ZFHX2: variants seen among roughly 807,000 people sequenced by gnomAD.
ZFHX2 encodes zinc finger homeobox protein 2.
Under a neutral mutation model 164.8 loss-of-function variants are expected in ZFHX2, and 75 were observed. The ratio of observed to expected loss-of-function variants is 0.46; its 90% CI spans 0.38 to 0.55. The LOEUF is 0.55. Among genes scored for constraint, ZFHX2 ranks in the 20% least tolerant of loss-of-function variants. ZFHX2 has a pLI of 0.00. For synonymous variants in ZFHX2, 1,217 were observed against 1,351.4 expected, an observed-to-expected ratio of 0.90 and a Z score of 2.18; for missense variants, 2,933 against 3,308.0, an observed-to-expected ratio of 0.89 and a Z score of 2.78.
chr14:23,523,517 G>T lies in ZFHX2; in HGVS notation c.6425C>A (p.Ala2142Glu). 6.5e-7 allele frequency: 1 copy of T among 1,536,442 alleles called. No homozygotes were observed. The highest frequency in any genetic ancestry group is 8.7e-7 in the Non-Finnish European group (1 of 1,146,900). ...STGGSSEGLL[A>E]AQRTDCPYCD... Reference sequence around the variant, plus strand: ...ATAGGGGCAGTCAGTGCGCTGGGCTGCTAAGAGGCCCTCACTGCTGCCCCC... The same window carrying T: ...ATAGGGGCAGTCAGTGCGCTGGGCTTCTAAGAGGCCCTCACTGCTGCCCCC... The change falls in exon 9 of 10, where the codon GCA (alanine) becomes GAA (glutamate). Residue 2142 changes from alanine to glutamate, a missense_variant. Physicochemically the swap from Ala to Glu is moderately radical, Grantham distance 107. Coordinates refer to ENST00000419474, the MANE Select transcript of ZFHX2 (RefSeq NM_033400.3). This position sits in a 1 kb window ranked among gnomAD's most constrained non-coding sequence, Gnocchi z 4.1.
rs1370088465 is a variant in ZFHX2 at position 23,533,986 on chromosome 14, C to T, written c.1340G>A (p.Arg447His). Residue 447 changes from arginine to histidine, a missense_variant, in exon 2 of 10, where the codon CGC becomes CAC. Coordinates refer to ENST00000419474, the MANE Select transcript of ZFHX2 (RefSeq NM_033400.3). This position sits in a 1 kb window ranked among gnomAD's most constrained non-coding sequence, Gnocchi z 4.8. ...ACACTTGAGTGTCTTGCAGGAGTTG[C>T]GTGAGTGGAGCAGGGACATGTGGCT... ...LSSHMSLLHS[R>H]NSCKTLKCPK... The T allele has an allele frequency of 7.8e-6, 12 of 1,537,302 alleles. No homozygotes were observed. Among genetic ancestry groups the T allele is most frequent in the Admixed American group, 3.9e-5 (2 of 50,968 alleles).
At position 23,531,494 on chromosome 14, in the gene ZFHX2, C is replaced by A. The variant is rs1314226692; in HGVS notation, c.2787G>T (p.Gln929His). The A allele has an allele frequency of 3.2e-5, 45 of 1,424,980 alleles. No individual in the cohort carries two copies. The South Asian group carries it at 5.7e-4, about 18-fold the overall frequency. The allele number at this position is 1,424,980 out of a possible 1,614,324, so 88.3% of individuals were successfully genotyped here. A position where few individuals can be genotyped will look rare whatever the true frequency, so the allele number is the denominator to read the frequency against. ...LQSILSFSHG[Q>H]LRTPGKAPVT... ...CTTCTTCCTCACCGGGAGTCCGGAG[C>A]TGCCCGTGGCTGAAGCTCAGGATGC... is the stretch of plus-strand genomic sequence containing the variant. The change falls in exon 4 of 10, where the codon CAG becomes CAT. Residue 929 changes from glutamine to histidine, a missense_variant. Gln to His is a conservative substitution (Grantham distance 24). Coordinates refer to ENST00000419474, the MANE Select transcript of ZFHX2 (RefSeq NM_033400.3).
chr14:23,523,007 G>A lies in ZFHX2; in HGVS notation c.6740-66C>T. 2 of 1,422,012 alleles carry A rather than the reference G, an allele frequency of 1.4e-6. No individual in the cohort carries two copies. The highest frequency in any genetic ancestry group is 3.0e-5 in the Admixed American group (1 of 33,810). 88.1% of individuals were successfully genotyped at this position (1,422,012 alleles called of 1,614,324 possible). On this transcript the variant is annotated intron_variant, in intron 9 of 9. Transcript: ENST00000419474. The surrounding 1 kb of genome is among the most constrained non-coding windows in gnomAD (Gnocchi z 4.1). The stretch of plus-strand genomic sequence containing the variant: ...TGTCCCATCATTCTTCCTGCCATAG[G>A]CCACCTCCAGCCACACACACCCGTT...
chr14:23,534,350 G>A lies in ZFHX2; in HGVS notation c.976C>T (p.Pro326Ser). Reference sequence around the variant, plus strand: ...ATAAGGGCCTGGACTTCTGCCTCAGGGGGGCCATCCTCTGTCTGGGCCACA... The same window carrying A: ...ATAAGGGCCTGGACTTCTGCCTCAGAGGGGCCATCCTCTGTCTGGGCCACA... ...ANVAQTEDGP[P>S]EAEVQALILL... Residue 326 changes from proline (P) to serine (S), a missense_variant, in exon 2 of 10, where the codon CCT becomes TCT. Transcript: ENST00000419474. This position sits in a 1 kb window ranked among gnomAD's most constrained non-coding sequence, Gnocchi z 4.5. 1 of 1,536,706 alleles carries A rather than the reference G, an allele frequency of 6.5e-7. No individual in the cohort carries two copies. The highest frequency in any genetic ancestry group is 8.7e-7 in the Non-Finnish European group (1 of 1,147,018).
At position 23,527,635 on chromosome 14, in the gene ZFHX2, A is replaced by G; in HGVS notation, c.3104T>C (p.Val1035Ala). 4 of 1,536,548 alleles carry G rather than the reference A, an allele frequency of 2.6e-6. No homozygotes were observed. Among genetic ancestry groups the G allele is most frequent in the Middle Eastern group, 1.7e-4 (1 of 5,992 alleles). Residue 1035 changes from valine to alanine, a missense_variant, in exon 7 of 10, where the codon GTG becomes GCG. Physicochemically the swap from Val to Ala is moderately conservative, Grantham distance 64. Coordinates refer to ENST00000419474, the MANE Select transcript of ZFHX2 (RefSeq NM_033400.3). The part of the protein sequence containing the change: ...HFHLSHLHNV[V>A]PECVEKLLLV... ...CAGCAGCTTCTCAACGCACTCGGGC[A>G]CCACGTTGTGAAGGTGGCTAAGGTG...
Position 23,534,407 on chromosome 14 carries a change from C to A in ZFHX2, c.919G>T (p.Asp307Tyr). 1 of 1,536,812 alleles carries A rather than the reference C, an allele frequency of 6.5e-7. No homozygotes were observed. Among genetic ancestry groups the A allele is most frequent in the South Asian group, 1.2e-5 (1 of 84,058 alleles). Residue 307 changes from aspartate to tyrosine, a missense_variant, in exon 2 of 10, where the codon GAC (aspartate) becomes TAC (tyrosine). Physicochemically the swap from Asp to Tyr is radical, Grantham distance 160 (BLOSUM62 -3). Transcript: ENST00000419474. This position sits in a 1 kb window ranked among gnomAD's most constrained non-coding sequence, Gnocchi z 4.5. Reference protein sequence around the residue: ...PARPSSDIPLDNSSTVNMEAN... With the variant: ...PARPSSDIPLYNSSTVNMEAN... ...TCCATGTTCACTGTGCTGCTGTTGT[C>A]AAGGGGTATGTCAGAAGAGGGGCGA...
intron 1 of ZFHX2, among the ~76,000 whole-genome samples, chr14:23,537,045 CAGG>C (rs1566588911): frequency 6.6e-6 from 1 of 152,126 alleles, no homozygotes; most frequent in Non-Finnish European, 1.5e-5. Context: ...GAGGCTGAGG[CAGG>C]AGAACAGCTT....
intron 1 of ZFHX2, among the ~76,000 whole-genome samples, chr14:23,549,689 G>A (rs1881767974): frequency 1.3e-5 from 2 of 152,294 alleles, no homozygotes; most frequent in African/African-American, 2.4e-5. Context: ...GAGTCCTAGG[G>A]AATGTCCCCT....
intron 4 of ZFHX2, 119 bp from the exon 5 acceptor site, chr14:23,530,313 C>T: frequency 5.1e-6 from 4 of 777,284 alleles, no homozygotes; most frequent in South Asian, 1.5e-5. Flanking sequence ...ATGGCTCAAT[C>T]AGCAGGTAGG....
rs1037628587 is a variant in ZFHX2, at chr14:23,534,945, C to T, written c.381G>A (p.Lys127=). 104 of 1,536,160 alleles carry T rather than the reference C, an allele frequency of 6.8e-5. No homozygotes were observed. In the African/African-American group the frequency reaches 1.3e-3, roughly 19 times the overall value. Residue 127 remains lysine, a synonymous_variant, in exon 2 of 10, where the codon AAG becomes AAA. Coordinates refer to ENST00000419474, the MANE Select transcript of ZFHX2 (RefSeq NM_033400.3). This position sits in a 1 kb window ranked among gnomAD's most constrained non-coding sequence, Gnocchi z 4.5. Reference sequence around the variant, plus strand: ...GTTCACTGCCACCTGGCAGGGACAGCTTGGCCACTAGGTAGGCCTCACCTC... The same window carrying T: ...GTTCACTGCCACCTGGCAGGGACAGTTTGGCCACTAGGTAGGCCTCACCTC... ...TAGGEAYLVA[K]LSLPGGSELL... is the part of the protein sequence containing the mutation.
In ZFHX2 at chr14:23,521,177, G is replaced by A. The variant is rs1184891559; in HGVS notation, c.*785C>T. 1.3e-5 allele frequency: 2 copies of A among 152,502 alleles called. No individual in the cohort carries two copies. Among genetic ancestry groups the A allele is most frequent in the Non-Finnish European group, 1.5e-5 (1 of 68,264 alleles). The allele number at this position is 152,502 out of a possible 1,614,324, so 9.4% of individuals were successfully genotyped here. On this transcript the variant is annotated 3_prime_UTR_variant, in exon 10 of 10. Transcript: ENST00000419474. The stretch of plus-strand genomic sequence containing the variant: ...TGCAGTTCCCAGGGTGCAAGGTAGG[G>A]ATTGGCAGAGGGGTTTCTGGTGGCG...
In ZFHX2 at chr14:23,546,373, G is replaced by T. The variant is rs1881384346; in HGVS notation, c.-50+4970C>A. 6.6e-6 allele frequency among the ~76,000 whole-genome samples: 1 copy of T among 152,220 alleles called. No homozygotes were observed. Among genetic ancestry groups the T allele is most frequent in the Non-Finnish European group, 1.5e-5 (1 of 68,038 alleles). ...GGGGTAAAAAATGCTGAGGGGTGCT[G>T]AGCATCTCAGTAGAAATTAGAAAAA... On this transcript the variant is annotated intron_variant, in intron 1 of 9. Coordinates refer to ENST00000419474, the MANE Select transcript of ZFHX2 (RefSeq NM_033400.3). The surrounding 1 kb of genome is among the most constrained non-coding windows in gnomAD (Gnocchi z 4.7).
At position 23,525,044 on chromosome 14, in the gene ZFHX2, C is replaced by A; in HGVS notation, c.4898G>T (p.Gly1633Val). Residue 1633 changes from glycine (G) to valine (V), a missense_variant, in exon 9 of 10, where the codon GGT becomes GTT. Physicochemically the swap from Gly to Val is moderately radical, Grantham distance 109 (BLOSUM62 -3). Coordinates refer to ENST00000419474, the MANE Select transcript of ZFHX2 (RefSeq NM_033400.3). This position sits in a 1 kb window ranked among gnomAD's most constrained non-coding sequence, Gnocchi z 5.9. ...CACCACCACCACACGGCTAGCCAGA[C>A]CCAACAGACTTGCGAGTCGCTCCAC... Reference protein sequence around the residue: ...GEVERLASLLGLASRVVVVWF... With the variant: ...GEVERLASLLVLASRVVVVWF... The A allele has an allele frequency of 6.5e-7, 1 of 1,536,196 alleles. No individual in the cohort carries two copies. The highest frequency in any genetic ancestry group is 8.7e-7 in the Non-Finnish European group (1 of 1,146,912).
chr14:23,529,720 T>G lies in ZFHX2; in HGVS notation c.2924A>C (p.Asn975Thr), dbSNP rs1417097198. 1 of 1,536,118 alleles carries G rather than the reference T, an allele frequency of 6.5e-7. No individual in the cohort carries two copies. The highest frequency in any genetic ancestry group is 1.4e-5 in the African/African-American group (1 of 73,042). Residue 975 changes from asparagine (N) to threonine (T), a missense_variant, in exon 6 of 10, where the codon AAC (asparagine) becomes ACC (threonine). Coordinates refer to ENST00000419474, the MANE Select transcript of ZFHX2 (RefSeq NM_033400.3). Reference protein sequence around the residue: ...NKTGPSRDSANQTTVYCCPYC... With the variant: ...NKTGPSRDSATQTTVYCCPYC... ...TACCCCAATTCTGACCGTGGTCTGG[T>G]TGGCACTGTCTCTGGAAGGGCCAGT...
chr14:23,527,900 CCTTTT>C, intron 6 of ZFHX2, 96 bp from the exon 7 acceptor site: 1 of 808,460 alleles, frequency 1.2e-6, no homozygotes, highest in East Asian at 2.9e-5. Context: ...CGCCCCCACT[CCTTTT>C]TTTTTTTTTT....
At chr14:23,529,923 G>A (rs916426043) in intron 5 of ZFHX2, among the ~76,000 whole-genome samples, 155 bp from the exon 6 acceptor site, 1 of 152,158 alleles carries the variant, frequency 6.6e-6, no homozygotes, top group Non-Finnish European at 1.5e-5. Flanking sequence ...GGGTCAGTAG[G>A]ATGGTCAGGT....
In ZFHX2 at chr14:23,525,908, A is replaced by G. The variant is rs578152435; in HGVS notation, c.4034T>C (p.Leu1345Pro). The G allele has an allele frequency of 1.3e-4, 191 of 1,440,188 alleles. 1 individual carries two copies. The Admixed American group carries it at 4.7e-3, about 36-fold the overall frequency. The allele number at this position is 1,440,188 out of a possible 1,614,324, so 89.2% of individuals were successfully genotyped here. Residue 1345 changes from leucine to proline, a missense_variant, in exon 9 of 10, where the codon CTG becomes CCG. By Grantham distance (98) the Leu-to-Pro change is moderately conservative. Transcript: ENST00000419474. This position sits in a 1 kb window ranked among gnomAD's most constrained non-coding sequence, Gnocchi z 5.9. ...TTCGGGCACCAGAGGGAAGGGGGGC[A>G]GGACTGGTGGGGTGAAGAGAGGGGC... Reference protein sequence around the residue: ...FPAPLFTPPVLPPFPLVPESL... With the variant: ...FPAPLFTPPVPPPFPLVPESL...
Position 23,533,721 on chromosome 14 carries a change from G to T in ZFHX2, c.1605C>A (p.Asn535Lys). ...IHMQSDKHLA[N>K]LQGFQAGPGG... ...CAGGGCCCGCCTGGAAGCCCTGTAG[G>T]TTGGCCAGGTGCTTGTCAGACTGCA... The change falls in exon 2 of 10, where the codon AAC (asparagine) becomes AAA (lysine). Residue 535 changes from asparagine (N) to lysine (K), a missense_variant. Coordinates refer to ENST00000419474, the MANE Select transcript of ZFHX2 (RefSeq NM_033400.3). The surrounding 1 kb of genome is among the most constrained non-coding windows in gnomAD (Gnocchi z 4.8). 6.5e-7 allele frequency: 1 copy of T among 1,549,234 alleles called. No homozygotes were observed. The highest frequency in any genetic ancestry group is 8.7e-7 in the Non-Finnish European group (1 of 1,153,998).
Position 23,537,236 on chromosome 14 carries a change from T to C in ZFHX2, c.-49-1862A>G, listed in dbSNP as rs1476533417. Among the ~76,000 whole-genome samples the C allele has an allele frequency of 2.0e-5, 3 of 152,056 alleles. No individual in the cohort carries two copies. In the East Asian group the frequency reaches 5.8e-4, roughly 29 times the overall value. On this transcript the variant is annotated intron_variant, in intron 1 of 9. Transcript: ENST00000419474. ...AGCGCCAAGGCTCCCATCCTTTTTT[T>C]TTTTTCTAAATCAGGAACCTCCCCC... is the stretch of plus-strand genomic sequence containing the variant.
Sources: gnomAD v4.1 joint callset for allele counts (sites outside exome capture counted in the v4.1 genomes callset) on GRCh38, gnomAD v4.1.1 for gene constraint, Gnocchi (gnomAD v3.1) non-coding constraint, MANE v1.5 for transcripts, NCBI Gene and HGNC (gene_info 2026-07-23, HGNC 2026-07-21) for gene names.